Variants in PCDHA9 observed in about 807,000 individuals in gnomAD.
PCDHA9 encodes the protein protocadherin alpha 9.
In PCDHA9, 62 loss-of-function variants were observed where a neutral mutation model predicts 62.0. The ratio of observed to expected loss-of-function variants is 1.00; its 90% CI spans 0.81 to 1.23. The LOEUF (loss-of-function observed/expected upper bound fraction) is 1.23. Ranked by LOEUF, PCDHA9 falls within the 50% of genes most tolerant of loss-of-function variation. The pLI, the probability that PCDHA9 is intolerant of heterozygous loss-of-function variation, is 0.00. For missense variants in PCDHA9, 1,205 were observed against 1,249.8 expected, an observed-to-expected ratio of 0.96 and a Z score of 0.54; for synonymous variants, 557 against 567.6, an observed-to-expected ratio of 0.98 and a Z score of 0.27.
At position 140,998,569 on chromosome 5, in the gene PCDHA9, G is replaced by GTTT. The variant is rs71574497; in HGVS notation, c.2543-11048_2543-11046dup. ...TTAATGTCTAATTTATTGTAAATAA[G>GTTT]TTTTTTTTTTTTGAGACAGAGTTTT... On this transcript the variant is annotated intron_variant, in intron 3 of 3. Transcript: ENST00000532602. Among the ~76,000 whole-genome samples, 105 of 149,398 alleles carry GTTT rather than the reference G, an allele frequency of 7.0e-4. 1 individual carries two copies. Among genetic ancestry groups the GTTT allele is most frequent in the Middle Eastern group, 3.4e-3 (1 of 292 alleles).
chr5:140,975,120 C>T (rs2096654332), intron 1 of PCDHA9, among the ~76,000 whole-genome samples: 1 of 152,140 alleles, frequency 6.6e-6, no homozygotes, highest in African/African-American at 2.4e-5. Flanking sequence ...TGTTTTCCTA[C>T]TTACTATTGG....
At chr5:140,877,096 G>T in intron 1 of PCDHA9, 3 of 1,613,378 alleles carry the variant, frequency 1.9e-6, no homozygotes, top group Non-Finnish European at 2.5e-6. Context: ...CGACGCCGGC[G>T]TGCCGCCTCT....
chr5:140,875,009 G>A (rs1238943643), intron 1 of PCDHA9, among the ~76,000 whole-genome samples: 2 of 152,216 alleles, frequency 1.3e-5, no homozygotes, highest in Admixed American at 6.5e-5. Flanking sequence ...CCATGATAAA[G>A]TGTAGGTTCT....
chr5:140,859,378 T>G lies in PCDHA9; in HGVS notation c.2394+8489T>G. The G allele has an allele frequency of 7.4e-6, 2 of 268,578 alleles. 1 individual carries two copies. Among genetic ancestry groups the G allele is most frequent in the Non-Finnish European group, 1.3e-5 (2 of 148,378 alleles). The allele number at this position is 268,578 out of a possible 1,614,324, so 16.6% of individuals were successfully genotyped here. A position where few individuals can be genotyped will look rare whatever the true frequency, so the allele number is the denominator to read the frequency against. On this transcript the variant is annotated intron_variant, in intron 1 of 3. Transcript: ENST00000532602. ...CTGATATATTGTATAGTTTAATAGCTTCTCTAGTCATCTTAAACAGGGTTG... is the reference window on the plus strand; with the variant it reads ...CTGATATATTGTATAGTTTAATAGCGTCTCTAGTCATCTTAAACAGGGTTG...
chr5:140,948,705 T>C (rs1585306851), intron 1 of PCDHA9, among the ~76,000 whole-genome samples: 1 of 151,580 alleles, frequency 6.6e-6, no homozygotes, highest in African/African-American at 2.4e-5. Context: ...ATTTGTGTTC[T>C]ATCCTCTTTT....
At chr5:140,919,925 G>A (rs2079351459) in intron 1 of PCDHA9, among the ~76,000 whole-genome samples, 1 of 152,124 alleles carries the variant, frequency 6.6e-6, no homozygotes, top group African/African-American at 2.4e-5. Flanking sequence ...AAATTTTCAG[G>A]TGGGGGCTAA....
At position 140,882,350 on chromosome 5, in the gene PCDHA9, A is replaced by G. The variant is rs782733540; in HGVS notation, c.2394+31461A>G. ...GATCCTCGCAGCCTGGGAGACGGGT[A>G]GTGGCCAGCTCCACTACTCCGTCCC... is the stretch of plus-strand genomic sequence containing the variant. On this transcript the variant is annotated intron_variant, in intron 1 of 3. Transcript: ENST00000532602. The G allele has an allele frequency of 1.9e-6, 3 of 1,614,176 alleles. No individual in the cohort carries two copies. In the Admixed American group the frequency reaches 5.0e-5, roughly 27 times the overall value.
At chr5:140,900,498 A>G (rs1554189212) in intron 1 of PCDHA9, among the ~76,000 whole-genome samples, 1 of 152,172 alleles carries the variant, frequency 6.6e-6, no homozygotes, top group Non-Finnish European at 1.5e-5. Context: ...ACTGGTCTCA[A>G]ATTCCCAGCC....
At chr5:140,923,264 C>T (rs2081280629) in intron 1 of PCDHA9, among the ~76,000 whole-genome samples, 1 of 152,170 alleles carries the variant, frequency 6.6e-6, no homozygotes, top group Admixed American at 6.5e-5. Flanking sequence ...CATAGTGAGA[C>T]CTTGTCTCTA....
rs782325875 is a variant in PCDHA9, at chr5:140,979,026, A to T, written c.2453+19A>T. The T allele has an allele frequency of 6.2e-7, 1 of 1,613,490 alleles. No homozygotes were observed. The highest frequency in any genetic ancestry group is 1.1e-5 in the South Asian group (1 of 90,898). On this transcript the variant is annotated intron_variant, in intron 2 of 3. Transcript: ENST00000532602. ...TGCACAGGTATGTATTTCCCTCCTC[A>T]TTCACTCAGAAGTAACCTTAACTTG...
chr5:140,849,250 C>T lies in PCDHA9; in HGVS notation c.755C>T (p.Pro252Leu). 9.2e-7 allele frequency: 1 copy of T among 1,091,342 alleles called. No homozygotes were observed. Among genetic ancestry groups the T allele is most frequent in the Non-Finnish European group, 1.3e-6 (1 of 787,612 alleles). The allele number at this position is 1,091,342 out of a possible 1,614,324, so 67.6% of individuals were successfully genotyped here. Residue 252 changes from proline to leucine, a missense_variant, in exon 1 of 4, where the codon CCA (proline) becomes CTA (leucine). By Grantham distance (98) the Pro-to-Leu change is moderately conservative. Coordinates refer to ENST00000532602, the MANE Select transcript of PCDHA9 (RefSeq NM_031857.2). ...FDRTLYTVKL[P>L]ENVSIGTLVI... ...AGAACCCTGTATACGGTGAAATTAC[C>T]AGAAAACGTTTCTATCGGAACGCTG...
intron 1 of PCDHA9, among the ~76,000 whole-genome samples, chr5:140,878,898 G>A (rs2057763490): frequency 6.6e-6 from 1 of 152,154 alleles, no homozygotes; most frequent in South Asian, 2.1e-4. Flanking sequence ...ACTACAGGCA[G>A]GCTCCACCAC....
intron 1 of PCDHA9, among the ~76,000 whole-genome samples, chr5:140,934,797 T>A (rs1045887352): frequency 6.6e-6 from 1 of 152,236 alleles, no homozygotes; most frequent in African/African-American, 2.4e-5. Context: ...CAATTATCTT[T>A]TTAATGATCA....
chr5:140,961,638 A>G (rs1428621389), intron 1 of PCDHA9, among the ~76,000 whole-genome samples: 1 of 152,200 alleles, frequency 6.6e-6, no homozygotes, highest in Non-Finnish European at 1.5e-5. Flanking sequence ...AACAATCTTA[A>G]GTCTATGTGG....
intron 1 of PCDHA9, among the ~76,000 whole-genome samples, chr5:140,961,949 T>G (rs868952671): frequency 2.0e-5 from 3 of 151,876 alleles, no homozygotes; most frequent in Non-Finnish European, 4.4e-5. Context: ...AGTGGCATGA[T>G]CTCGGCTCAC....
At position 140,966,710 on chromosome 5, in the gene PCDHA9, G is replaced by T. The variant is rs552888876; in HGVS notation, c.2395-12239G>T. The T allele has an allele frequency of 2.9e-6, 4 of 1,391,664 alleles. No individual in the cohort carries two copies. In the South Asian group the frequency reaches 6.5e-5, roughly 23 times the overall value. The allele number at this position is 1,391,664 out of a possible 1,614,324, so 86.2% of individuals were successfully genotyped here. A position where few individuals can be genotyped will look rare whatever the true frequency, so the allele number is the denominator to read the frequency against. On this transcript the variant is annotated intron_variant, in intron 1 of 3. Transcript: ENST00000532602. ...AGGCGGGGCCCGGGCGTGGGGCACG[G>T]CTGGGGAAGCTGCCGCCTCCGGCCC...
At chr5:140,856,659 A>C in intron 1 of PCDHA9, 1 of 1,598,186 alleles carries the variant, frequency 6.3e-7, no homozygotes, top group Non-Finnish European at 8.6e-7. Context: ...CGTGAAGAAA[A>C]TCCTCAGCTA....
At chr5:140,868,911 G>T in intron 1 of PCDHA9, 1 of 892,226 alleles carries the variant, frequency 1.1e-6, no homozygotes. Flanking sequence ...CTCTTTACTT[G>T]GTGGAAAGTT....
At chr5:140,970,597 TA>T (rs2096419556) in intron 1 of PCDHA9, among the ~76,000 whole-genome samples, 4 of 152,198 alleles carry the variant, frequency 2.6e-5, no homozygotes, top group Non-Finnish European at 5.9e-5. Context: ...TGCTTTGTGA[TA>T]CTTAAAACTT....
Sources: gnomAD v4.1 joint callset for allele counts (sites outside exome capture counted in the v4.1 genomes callset) on GRCh38, gnomAD v4.1.1 for gene constraint, MANE v1.5 for transcripts, NCBI Gene and HGNC (gene_info 2026-07-23, HGNC 2026-07-21) for gene names.